TRHDE: variants seen among roughly 807,000 people sequenced by gnomAD.
The protein encoded by TRHDE is thyrotropin-releasing hormone-degrading ectoenzyme.
In TRHDE, 72 loss-of-function variants were observed where a neutral mutation model predicts 125.7. That is an observed-to-expected ratio of 0.57 (90% CI 0.47 to 0.70). TRHDE has a LOEUF of 0.70. Ranked by LOEUF, TRHDE falls within the 30% of genes least tolerant of loss-of-function variation. The pLI is 0.00. For synonymous variants in TRHDE, 509 were observed against 509.1 expected (o/e 1.00, Z 0.00); for missense variants, 1,110 against 1,327.1 (o/e 0.84, Z 2.54).
At chr12:72,347,726 C>A (rs1287998801) in intron 2 of TRHDE, among the ~76,000 whole-genome samples, 4 of 152,006 alleles carry the variant, frequency 2.6e-5, no homozygotes, top group African/African-American at 7.2e-5. Flanking sequence ...CGGCAAATTA[C>A]CCTCAAAACT....
intron 2 of TRHDE, among the ~76,000 whole-genome samples, chr12:72,355,361 A>G (rs1318306403): frequency 6.6e-6 from 1 of 151,628 alleles, no homozygotes; most frequent in East Asian, 1.9e-4. Context: ...CTTACCATGC[A>G]TACCTTGTAG....
intron 7 of TRHDE, among the ~76,000 whole-genome samples, chr12:72,558,371 T>C (rs567102132): frequency 1.5e-4 from 23 of 152,216 alleles, no homozygotes; most frequent in African/African-American, 5.5e-4. Context: ...ATGTAGAGAA[T>C]TGCATGTGCA....
chr12:72,108,749 C>A (rs1875247556), intron 2 of TRHDE, among the ~76,000 whole-genome samples: 1 of 151,996 alleles, frequency 6.6e-6, no homozygotes, highest in Non-Finnish European at 1.5e-5. Flanking sequence ...AATACGGGAA[C>A]ATAAAACAAA....
chr12:72,405,503 CT>C, intron 3 of TRHDE, among the ~76,000 whole-genome samples: 1 of 152,258 alleles, frequency 6.6e-6, no homozygotes, highest in African/African-American at 2.4e-5. Flanking sequence ...CCTAATTATA[CT>C]TTTCCCCAGA....
At chr12:72,386,635 C>T (rs759038815) in intron 3 of TRHDE, among the ~76,000 whole-genome samples, 1 of 152,128 alleles carries the variant, frequency 6.6e-6, no homozygotes, top group Non-Finnish European at 1.5e-5. Flanking sequence ...AGTTAGACTG[C>T]TTGAAAGGAT....
chr12:72,663,311 T>TG lies in TRHDE; in HGVS notation c.*119dup. Reference sequence around the variant, plus strand: ...TGGCCAGATTTTCAGTGTTAACGTGTGGGAGGAATTTTTTTTTTAGTTTTT... The same window carrying TG: ...TGGCCAGATTTTCAGTGTTAACGTGTGGGGAGGAATTTTTTTTTTAGTTTTT... On this transcript the variant is annotated 3_prime_UTR_variant, in exon 19 of 19. Transcript: ENST00000261180. 1 of 770,714 alleles carries TG rather than the reference T, an allele frequency of 1.3e-6. No homozygotes were observed. Among genetic ancestry groups the TG allele is most frequent in the Non-Finnish European group, 1.8e-6 (1 of 543,198 alleles). The allele number at this position is 770,714 out of a possible 1,614,324, so 47.7% of individuals were successfully genotyped here. A position where few individuals can be genotyped will look rare whatever the true frequency, so the allele number is the denominator to read the frequency against.
chr12:72,393,702 G>A (rs1269020493), intron 3 of TRHDE, among the ~76,000 whole-genome samples: 1 of 152,120 alleles, frequency 6.6e-6, no homozygotes, highest in Non-Finnish European at 1.5e-5. Flanking sequence ...TTGGATGGTG[G>A]TTGATTTATT....
intron 1 of TRHDE, among the ~76,000 whole-genome samples, chr12:72,282,718 C>G (rs899596363): frequency 2.6e-5 from 4 of 152,212 alleles, no homozygotes; most frequent in African/African-American, 9.6e-5. Flanking sequence ...TCAACTCACT[C>G]ATTTCTCCAT....
chr12:72,149,485 TTC>T (rs1215109867), intron 2 of TRHDE, among the ~76,000 whole-genome samples: 1 of 152,178 alleles, frequency 6.6e-6, no homozygotes, highest in Non-Finnish European at 1.5e-5. Flanking sequence ...TTTCACTAGT[TTC>T]TCTATTTTTA....
At chr12:72,516,207 G>C (rs906877469) in intron 6 of TRHDE, among the ~76,000 whole-genome samples, 8 of 151,338 alleles carry the variant, frequency 5.3e-5, no homozygotes, top group African/African-American at 1.2e-4. Flanking sequence ...TGATGGGGAT[G>C]GCATTGAATC....
intron 10 of TRHDE, 99 bp from the exon 11 acceptor site, chr12:72,575,156 C>G: frequency 8.9e-6 from 10 of 1,128,304 alleles, no homozygotes; most frequent in Non-Finnish European, 1.1e-5. Context: ...ATGACATTCA[C>G]TTAATTATTG....
At chr12:72,289,458 T>C (rs2139431734) in intron 2 of TRHDE, among the ~76,000 whole-genome samples, 1 of 152,306 alleles carries the variant, frequency 6.6e-6, no homozygotes, top group Admixed American at 6.5e-5. Flanking sequence ...GCTGCAGCCA[T>C]GTTTTGTTTA....
At chr12:72,450,874 C>T (rs1291189353) in intron 3 of TRHDE, among the ~76,000 whole-genome samples, 1 of 152,000 alleles carries the variant, frequency 6.6e-6, no homozygotes, top group Non-Finnish European at 1.5e-5. Context: ...TTGTGGTTCT[C>T]ATTTGTATTT....
At chr12:72,567,608 A>G (rs1220731420) in intron 9 of TRHDE, among the ~76,000 whole-genome samples, 2 of 151,966 alleles carry the variant, frequency 1.3e-5, no homozygotes, top group African/African-American at 4.8e-5. Context: ...ACATTTTTTA[A>G]TTCTTTATTT....
chr12:72,646,624 G>C (rs892837998), intron 15 of TRHDE, among the ~76,000 whole-genome samples: 8 of 151,978 alleles, frequency 5.3e-5, no homozygotes, highest in Non-Finnish European at 2.9e-5. Context: ...TAGGCTGAGA[G>C]TGAAGGGATG....
intron 5 of TRHDE, among the ~76,000 whole-genome samples, chr12:72,480,322 C>G (rs1449946005): frequency 6.6e-6 from 1 of 151,406 alleles, no homozygotes; most frequent in Non-Finnish European, 1.5e-5. Context: ...TCTCCAGCAC[C>G]TGTTGTTTCC....
At chr12:72,505,494 C>T (rs983942395) in intron 6 of TRHDE, among the ~76,000 whole-genome samples, 1 of 152,028 alleles carries the variant, frequency 6.6e-6, no homozygotes, top group Non-Finnish European at 1.5e-5. Context: ...CATATGATGC[C>T]AAGGTGGAGA....
chr12:72,217,113 GATA>G (rs1215897183), intron 2 of TRHDE, among the ~76,000 whole-genome samples: 1 of 151,898 alleles, frequency 6.6e-6, no homozygotes, highest in Non-Finnish European at 1.5e-5. Context: ...ATAGGAAGTG[GATA>G]ATGTTTACTG....
chr12:72,646,071 A>C (rs1311044312), intron 15 of TRHDE, among the ~76,000 whole-genome samples: 1 of 152,096 alleles, frequency 6.6e-6, no homozygotes, highest in Non-Finnish European at 1.5e-5. Context: ...ATAAATACAA[A>C]TACTTTATTA....
Sources: gnomAD v4.1 joint callset for allele counts (sites outside exome capture counted in the v4.1 genomes callset) on GRCh38, gnomAD v4.1.1 for gene constraint, MANE v1.5 for transcripts, NCBI Gene and HGNC (gene_info 2026-07-23, HGNC 2026-07-21) for gene names.